The following NLRP13 variants were observed in gnomAD, a reference collection of about 807,000 sequenced individuals.
NLRP13 encodes NLR family pyrin domain containing 13.
In NLRP13, 82 loss-of-function variants were observed where a neutral mutation model predicts 94.4. The observed-to-expected ratio is 0.87, with a 90% CI of 0.73 to 1.04. The LOEUF (loss-of-function observed/expected upper bound fraction) is 1.04. Among genes scored for constraint, NLRP13 ranks in the 50% least tolerant of loss-of-function variants. NLRP13 has a pLI of 0.00. For missense variants in NLRP13, 1,426 were observed against 1,230.8 expected, an observed-to-expected ratio of 1.16 and a Z score of -2.37; for synonymous variants, 553 against 464.7, an observed-to-expected ratio of 1.19 and a Z score of -2.45.
chr19:55,911,802 T>G lies in NLRP13; in HGVS notation c.2015A>C (p.Gln672Pro). 6.2e-7 allele frequency: 1 copy of G among 1,614,064 alleles called. No homozygotes were observed. Among genetic ancestry groups the G allele is most frequent in the Non-Finnish European group, 8.5e-7 (1 of 1,179,876 alleles). Residue 672 changes from glutamine to proline, a missense_variant, in exon 5 of 11, where the codon CAA becomes CCA. Coordinates refer to ENST00000342929, the MANE Select transcript of NLRP13 (RefSeq NM_176810.2). ...GTGCTTTAGGCAAAATGAAGAAGCT[T>G]GGAGTTCTTCGTCCTCCAAAATATT... is the stretch of plus-strand genomic sequence containing the variant. ...DLNILEDEEL[Q>P]ASSFCLKHCK...
intron 10 of NLRP13, among the ~76,000 whole-genome samples, chr19:55,896,619 C>G (rs949736208): frequency 6.6e-6 from 1 of 151,098 alleles, no homozygotes; most frequent in Non-Finnish European, 1.5e-5. Context: ...GAGTTCAACA[C>G]CAGCCTCGAC....
chr19:55,910,663 G>T lies in NLRP13; in HGVS notation c.2182C>A (p.Leu728Met), dbSNP rs1986482713. The change falls in exon 6 of 11, where the codon CTG (leucine) becomes ATG (methionine). Residue 728 changes from leucine (L) to methionine (M), a missense_variant. Physicochemically the swap from Leu to Met is conservative, Grantham distance 15. Coordinates refer to ENST00000342929, the MANE Select transcript of NLRP13 (RefSeq NM_176810.2). The stretch of plus-strand genomic sequence containing the variant: ...CTGTTACTCAGGTCTAGCTCATGCA[G>T]ATTCTCATTTGTGACCAACGTAGAG... ...ICSTLVTNEN[L>M]HELDLSNSKL... The T allele has an allele frequency of 1.2e-6, 2 of 1,613,976 alleles. No homozygotes were observed. Among genetic ancestry groups the T allele is most frequent in the South Asian group, 1.1e-5 (1 of 91,064 alleles).
chr19:55,896,634 T>G (rs2123099533), intron 10 of NLRP13, among the ~76,000 whole-genome samples: 1 of 150,832 alleles, frequency 6.6e-6, no homozygotes, highest in East Asian at 2.0e-4. Context: ...CTCGACAAGA[T>G]GGTGAAACCC....
intron 6 of NLRP13, among the ~76,000 whole-genome samples, chr19:55,910,229 A>G (rs1457705246): frequency 2.0e-5 from 3 of 152,174 alleles, no homozygotes; most frequent in Admixed American, 6.5e-5. Flanking sequence ...CTCAGACTAC[A>G]CGTGTCTGTA....
At chr19:55,908,016 C>A (rs190004815) in intron 6 of NLRP13, 60 bp from the exon 7 acceptor site, 54 of 1,484,036 alleles carry the variant, frequency 3.6e-5, no homozygotes, top group Non-Finnish European at 4.2e-5. Context: ...TCCAGGATCC[C>A]GTCTGCCTCC....
chr19:55,905,314 G>A (rs1986306408), intron 7 of NLRP13, among the ~76,000 whole-genome samples: 1 of 151,638 alleles, frequency 6.6e-6, no homozygotes, highest in Non-Finnish European at 1.5e-5. Context: ...GGCCAAGGCG[G>A]GTGGATCACC....
downstream of NLRP13, among the ~76,000 whole-genome samples, chr19:55,892,424 C>T (rs796984455): frequency 9.9e-5 from 15 of 150,900 alleles, no homozygotes; most frequent in African/African-American, 3.5e-4. Context: ...CACACATACA[C>T]ATATACGTAT....
At position 55,932,122 on chromosome 19, in the gene NLRP13, C is replaced by A. The variant is rs796052177; in HGVS notation, c.190G>T (p.Asp64Tyr). 1 of 1,614,140 alleles carries A rather than the reference C, an allele frequency of 6.2e-7. No homozygotes were observed. The highest frequency in any genetic ancestry group is 1.1e-5 in the South Asian group (1 of 91,080). ...AAAAGAAAGGACAGATTCAAAGGGT[C>A]GGCAGCTCTCAAGTTTGCCCAGGGG... Reference protein sequence around the residue: ...RIPWANLRAADPLNLSFLLDE... With the variant: ...RIPWANLRAAYPLNLSFLLDE... Residue 64 changes from aspartate to tyrosine, a missense_variant, in exon 1 of 11, where the codon GAC becomes TAC. Coordinates refer to ENST00000342929, the MANE Select transcript of NLRP13 (RefSeq NM_176810.2).
chr19:55,927,283 C>T (rs868454204), intron 1 of NLRP13, among the ~76,000 whole-genome samples: 1 of 150,810 alleles, frequency 6.6e-6, no homozygotes, highest in African/African-American at 2.4e-5. Context: ...GCAGGAGAAT[C>T]GCTTGAACCC....
chr19:55,902,245 C>T, intron 8 of NLRP13, 40 bp from the exon 9 acceptor site: 3 of 1,592,248 alleles, frequency 1.9e-6, no homozygotes, highest in Non-Finnish European at 2.6e-6. Context: ...CTCAGGGAAG[C>T]AGCCCAGACC....
At chr19:55,892,433 ATTGT>A (rs1985882452), downstream of NLRP13, among the ~76,000 whole-genome samples, 3 of 151,972 alleles carry the variant, frequency 2.0e-5, no homozygotes, top group African/African-American at 7.2e-5. Context: ...ACATATACGT[ATTGT>A]TTGAGACGCA....
At chr19:55,904,658 C>T (rs1210327104) in intron 8 of NLRP13, among the ~76,000 whole-genome samples, 1 of 152,114 alleles carries the variant, frequency 6.6e-6, no homozygotes, top group Admixed American at 6.5e-5. Context: ...AGCCTTGAGG[C>T]CTTGTTCTAT....
rs537430301 is a variant in NLRP13 at position 55,907,848 on chromosome 19, A to T, written c.2391T>A (p.Thr797=). 4 of 1,613,824 alleles carry T rather than the reference A, an allele frequency of 2.5e-6. No individual in the cohort carries two copies. In the African/African-American group the frequency reaches 4.0e-5, roughly 16 times the overall value. Residue 797 remains threonine, a synonymous_variant, in exon 7 of 11, where the codon ACT becomes ACA. Coordinates refer to ENST00000342929, the MANE Select transcript of NLRP13 (RefSeq NM_176810.2). The part of the protein sequence containing the change: ...LNFSSNKLGM[T]VPLILKALRH... Reference sequence around the variant, plus strand: ...TCAAAGCTTTAAGAATCAGGGGGACAGTCATTCCCAGCTTGTTAGAGCTGA... The same window carrying T: ...TCAAAGCTTTAAGAATCAGGGGGACTGTCATTCCCAGCTTGTTAGAGCTGA...
Position 55,902,089 on chromosome 19 carries a change from A to T in NLRP13, c.2735T>A (p.Val912Asp), listed in dbSNP as rs975359952. 1.9e-6 allele frequency: 3 copies of T among 1,613,688 alleles called. No homozygotes were observed. The highest frequency in any genetic ancestry group is 1.7e-6 in the Non-Finnish European group (2 of 1,179,914). ...ACCCAAGGCCTCACACAGGAACTTG[A>T]CTCCCTCGTCTCTCAGGCTGTTCTT... ...LSKNSLRDEG[V>D]KFLCEALGRP... is the part of the protein sequence containing the mutation. Residue 912 changes from valine (V) to aspartate (D), a missense_variant, in exon 9 of 11, where the codon GTC becomes GAC. Transcript: ENST00000342929.
rs757309736 is a variant in NLRP13, at chr19:55,913,062, C to T, written c.755G>A (p.Trp252Ter). ...TTGCTGAAAGAGAACTCCATTTGCC[C>T]AGTGCAGCATAGCCTGCATTGCCAA... Reference protein sequence around the residue: ...TTLAMQAMLHWANGVLFQQRF... With the variant: ...TTLAMQAMLH Residue 252 changes from tryptophan (W) to a stop codon, truncating the protein, a stop_gained, in exon 5 of 11, where the codon TGG becomes TAG. Coordinates refer to ENST00000342929, the MANE Select transcript of NLRP13 (RefSeq NM_176810.2). LOFTEE classifies it high-confidence loss of function. 9 of 1,614,132 alleles carry T rather than the reference C, an allele frequency of 5.6e-6. No individual in the cohort carries two copies. The Admixed American group carries it at 1.5e-4, about 27-fold the overall frequency.
intron 4 of NLRP13, among the ~76,000 whole-genome samples, chr19:55,915,989 A>G (rs1255993948): frequency 2.0e-5 from 3 of 152,214 alleles, no homozygotes; most frequent in African/African-American, 7.2e-5. Flanking sequence ...ACACAAGTAA[A>G]CAGTGCTTGG....
chr19:55,930,874 T>TTTTTTATATATATATATATA (rs55900335), intron 1 of NLRP13, among the ~76,000 whole-genome samples: 9 of 70,190 alleles, frequency 1.3e-4, no homozygotes, highest in South Asian at 8.9e-4. Flanking sequence ...GAATCAGTGA[T>TTTTTTATATATATATATATA]TATATATATA....
At chr19:55,927,522 C>A (rs1022500575) in intron 1 of NLRP13, among the ~76,000 whole-genome samples, 9 of 151,302 alleles carry the variant, frequency 5.9e-5, no homozygotes, top group Admixed American at 3.3e-4. Context: ...GAAATAGATT[C>A]TTCCACTGCA....
chr19:55,905,267 C>A (rs190215926), intron 7 of NLRP13, among the ~76,000 whole-genome samples, 155 bp from the exon 8 acceptor site: 1 of 151,554 alleles, frequency 6.6e-6, no homozygotes, highest in Admixed American at 6.6e-5. Flanking sequence ...AAGGGCCAGG[C>A]GCAGTGGCTG....
Sources: allele counts gnomAD v4.1 joint callset (sites outside exome capture counted in the v4.1 genomes callset), GRCh38; gene constraint gnomAD v4.1.1; transcripts MANE v1.5; gene names NCBI Gene and HGNC (gene_info 2026-07-23, HGNC 2026-07-21).